ZNF703: variants seen among roughly 807,000 people sequenced by gnomAD.
ZNF703 encodes the protein NocA-like zinc finger 1.
A neutral mutation model predicts 30.7 loss-of-function variants in ZNF703; 18 were observed. The ratio of observed to expected loss-of-function variants is 0.59; its 90% CI spans 0.40 to 0.87. ZNF703 has a LOEUF of 0.87. ZNF703 is among the 40% of genes least tolerant of loss of function. ZNF703 has a pLI of 0.00. For synonymous variants in ZNF703, 457 were observed against 438.6 expected (o/e 1.04, Z -0.52); for missense variants, 814 against 847.8 (o/e 0.96, Z 0.50).
chr8:37,695,922 T>C lies in ZNF703; in HGVS notation c.-58T>C. The C allele has an allele frequency of 2.5e-6, 3 of 1,201,634 alleles. No individual in the cohort carries two copies. The highest frequency in any genetic ancestry group is 2.2e-6 in the Non-Finnish European group (2 of 906,180). 74.4% of individuals were successfully genotyped at this position (1,201,634 alleles called of 1,614,324 possible). A position where few individuals can be genotyped will look rare whatever the true frequency, so the allele number is the denominator to read the frequency against. On this transcript the variant is annotated 5_prime_UTR_variant, in exon 1 of 2. Coordinates refer to ENST00000331569, the MANE Select transcript of ZNF703 (RefSeq NM_025069.3). ...GAGCGAGCCCACCCGCCCCGGGAGC[T>C]CGCCTCCCCGGTGCTCCCCCGCCCT...
chr8:37,697,082 C>T, intron 1 of ZNF703, 63 bp from the exon 2 acceptor site: 1 of 1,426,994 alleles, frequency 7.0e-7, no homozygotes, highest in South Asian at 1.6e-5. Context: ...CGGGCGCCCC[C>T]GCTCGCCCCG....
chr8:37,697,504 C>T lies in ZNF703; in HGVS notation c.603C>T (p.Pro201=). Residue 201 remains proline (P), a synonymous_variant, in exon 2 of 2, where the codon CCC becomes CCT. Transcript: ENST00000331569. Reference sequence around the variant, plus strand: ...GGGTCCCCAGCGCCGCCTGCCCGCCCTTTCCCCCGCATGGAGCGCCGGTCT... The same window carrying T: ...GGGTCCCCAGCGCCGCCTGCCCGCCTTTTCCCCCGCATGGAGCGCCGGTCT... ...GFRVPSAACP[P]FPPHGAPVSA... is the part of the protein sequence containing the mutation. 2 of 1,527,716 alleles carry T rather than the reference C, an allele frequency of 1.3e-6. No individual in the cohort carries two copies. Among genetic ancestry groups the T allele is most frequent in the Non-Finnish European group, 1.7e-6 (2 of 1,142,862 alleles). 94.6% of individuals were successfully genotyped at this position (1,527,716 alleles called of 1,614,324 possible). A position where few individuals can be genotyped will look rare whatever the true frequency, so the allele number is the denominator to read the frequency against.
rs76445150 is a variant in ZNF703 at position 37,697,150 on chromosome 8, C to T, written c.249C>T (p.Asp83=). 7.7e-4 allele frequency: 1,200 copies of T among 1,564,506 alleles called. 5 individuals carry two copies. In the African/African-American group the frequency reaches 0.015, roughly 20 times the overall value. The change falls in exon 2 of 2, where the codon GAC becomes GAT. Residue 83 remains aspartate (D), a synonymous_variant. Coordinates refer to ENST00000331569, the MANE Select transcript of ZNF703 (RefSeq NM_025069.3). ...CCTGCTTCTGTCTCCCACAGCTGGA[C>T]GCCAAGAAGAGCCCCTTGGCGCTGC... ...SSTPVSPIEL[D]AKKSPLALLA...
chr8:37,698,187 C>G lies in ZNF703; in HGVS notation c.1286C>G (p.Ser429Trp). The change falls in exon 2 of 2, where the codon TCG becomes TGG. Residue 429 changes from serine (S) to tryptophan (W), a missense_variant. Physicochemically the swap from Ser to Trp is radical, Grantham distance 177. Coordinates refer to ENST00000331569, the MANE Select transcript of ZNF703 (RefSeq NM_025069.3). The stretch of plus-strand genomic sequence containing the variant: ...CACCCGCTGCAGCCCGCCGCGCTCT[C>G]GTCCAGCGCCGCCCAGGCCGCGCTC... ...PGHPLQPAAL[S>W]SSAAQAALPG... 1 of 1,529,054 alleles carries G rather than the reference C, an allele frequency of 6.5e-7. No homozygotes were observed. Among genetic ancestry groups the G allele is most frequent in the Non-Finnish European group, 8.7e-7 (1 of 1,144,360 alleles). The allele number at this position is 1,529,054 out of a possible 1,614,324, so 94.7% of individuals were successfully genotyped here.
In ZNF703 at chr8:37,696,059, C is replaced by A; in HGVS notation, c.80C>A (p.Pro27Gln). ...GSGSGGGGKRPAVPAAVSLLP... is the reference protein window; with the variant it reads ...GSGSGGGGKRQAVPAAVSLLP... ...GGCAGCGGCGGCGGCGGGAAGAGGC[C>A]GGCGGTGCCGGCAGCGGTGTCCCTC... The change falls in exon 1 of 2, where the codon CCG (proline) becomes CAG (glutamine). Residue 27 changes from proline to glutamine, a missense_variant. By Grantham distance (76) the Pro-to-Gln change is moderately conservative (BLOSUM62 -1). Transcript: ENST00000331569. The surrounding 1 kb of genome is among the most constrained non-coding windows in gnomAD (Gnocchi z 8.2). 6.4e-7 allele frequency: 1 copy of A among 1,554,750 alleles called. No individual in the cohort carries two copies. Among genetic ancestry groups the A allele is most frequent in the Non-Finnish European group, 8.7e-7 (1 of 1,149,464 alleles).
Position 37,698,147 on chromosome 8 carries a change from C to T in ZNF703, c.1246C>T (p.Leu416=). Residue 416 remains leucine (L), a synonymous_variant, in exon 2 of 2, where the codon CTG becomes TTG. Transcript: ENST00000331569. ...CAGCCTGAAGGCGGGGGGCTACCCG[C>T]TGGTGTACCCCGGGCACCCGCTGCA... ...GPSLKAGGYP[L]VYPGHPLQPA... is the part of the protein sequence containing the mutation. The T allele has an allele frequency of 6.5e-7, 1 of 1,528,874 alleles. No homozygotes were observed. The highest frequency in any genetic ancestry group is 1.2e-5 in the South Asian group (1 of 83,320). 94.7% of individuals were successfully genotyped at this position (1,528,874 alleles called of 1,614,324 possible). A position where few individuals can be genotyped will look rare whatever the true frequency, so the allele number is the denominator to read the frequency against.
Position 37,695,901 on chromosome 8 carries a change from G to T in ZNF703, c.-79G>T. 3 of 1,302,642 alleles carry T rather than the reference G, an allele frequency of 2.3e-6. No homozygotes were observed. The highest frequency in any genetic ancestry group is 3.2e-5 in the South Asian group (2 of 62,404). The allele number at this position is 1,302,642 out of a possible 1,614,324, so 80.7% of individuals were successfully genotyped here. On this transcript the variant is annotated 5_prime_UTR_variant, in exon 1 of 2. Coordinates refer to ENST00000331569, the MANE Select transcript of ZNF703 (RefSeq NM_025069.3). ...TGCACCGCGATCGACGCTGCGGAGC[G>T]AGCCCACCCGCCCCGGGAGCTCGCC...
chr8:37,698,465 C>A lies in ZNF703; in HGVS notation c.1564C>A (p.Pro522Thr). ...CGCCTCCTGCCATCTGCACCTCCCC[C>A]CGCCCGCCGCCCCCGGCAGCCCCGG... Reference protein sequence around the residue: ...AAASCHLHLPPPAAPGSPGSL... With the variant: ...AAASCHLHLPTPAAPGSPGSL... The change falls in exon 2 of 2, where the codon CCG (proline) becomes ACG (threonine). Residue 522 changes from proline (P) to threonine (T), a missense_variant. Physicochemically the swap from Pro to Thr is conservative, Grantham distance 38. Transcript: ENST00000331569. The A allele has an allele frequency of 2.7e-6, 4 of 1,500,592 alleles. No homozygotes were observed. The highest frequency in any genetic ancestry group is 2.9e-5 in the East Asian group (1 of 34,928). 93.0% of individuals were successfully genotyped at this position (1,500,592 alleles called of 1,614,324 possible). A position where few individuals can be genotyped will look rare whatever the true frequency, so the allele number is the denominator to read the frequency against.
rs1254318140 is a variant in ZNF703 at position 37,698,101 on chromosome 8, C to T, written c.1200C>T (p.Ser400=). 5.4e-5 allele frequency: 83 copies of T among 1,535,536 alleles called. No homozygotes were observed. Among genetic ancestry groups the T allele is most frequent in the East Asian group, 1.2e-4 (5 of 40,898 alleles). The part of the protein sequence containing the change: ...HLGGSSCSTC[S]AHDPAGPSLK... The stretch of plus-strand genomic sequence containing the variant: ...GCGGCTCCAGCTGCTCCACCTGCAG[C>T]GCGCACGACCCTGCCGGGCCCAGCC... The change falls in exon 2 of 2, where the codon AGC becomes AGT. Residue 400 remains serine, a synonymous_variant. Transcript: ENST00000331569.
rs570696473 is a variant in ZNF703, at chr8:37,696,527, G to A, written c.243+305G>A. Among the ~76,000 whole-genome samples the A allele has an allele frequency of 4.6e-5, 7 of 152,230 alleles. No homozygotes were observed. The East Asian group carries it at 1.2e-3, about 25-fold the overall frequency. On this transcript the variant is annotated intron_variant, in intron 1 of 1. Coordinates refer to ENST00000331569, the MANE Select transcript of ZNF703 (RefSeq NM_025069.3). The surrounding 1 kb of genome is among the most constrained non-coding windows in gnomAD (Gnocchi z 8.2). ...TCCTCTGATCCCCAGTTTCCAGCCA[G>A]GAGTTGGTCTCTGCTGGGTCTTCCC...
rs1490446046 is a variant in ZNF703, at chr8:37,697,552, G to T, written c.651G>T (p.Ser217=). 3 of 1,463,416 alleles carry T rather than the reference G, an allele frequency of 2.0e-6. No homozygotes were observed. Among genetic ancestry groups the T allele is most frequent in the Admixed American group, 2.6e-5 (1 of 39,128 alleles). The allele number at this position is 1,463,416 out of a possible 1,614,324, so 90.7% of individuals were successfully genotyped here. Residue 217 remains serine (S), a synonymous_variant, in exon 2 of 2, where the codon TCG becomes TCT. Coordinates refer to ENST00000331569, the MANE Select transcript of ZNF703 (RefSeq NM_025069.3). The stretch of plus-strand genomic sequence containing the variant: ...TCTCCGCATCCTCGTCCTCGTCGTC[G>T]CCCGGCGGCTCCCGCGGCGGCTCCC... ...APVSASSSSS[S]PGGSRGGSPH...
Position 37,697,667 on chromosome 8 carries a change from G to A in ZNF703, c.766G>A (p.Ala256Thr). ...GGAGCCCAAGCCCAGCCCGGAGCCGGCAGCCGTGAGCCGCGGCGGCGGTGG... is the reference window on the plus strand; with the variant it reads ...GGAGCCCAAGCCCAGCCCGGAGCCGACAGCCGTGAGCCGCGGCGGCGGTGG... ...DQEPKPSPEP[A>T]AVSRGGGGEP... The change falls in exon 2 of 2, where the codon GCA (alanine) becomes ACA (threonine). Residue 256 changes from alanine (A) to threonine (T), a missense_variant. By Grantham distance (58) the Ala-to-Thr change is moderately conservative. Transcript: ENST00000331569. 2 of 1,330,292 alleles carry A rather than the reference G, an allele frequency of 1.5e-6. No homozygotes were observed. The highest frequency in any genetic ancestry group is 1.9e-6 in the Non-Finnish European group (2 of 1,047,468). The allele number at this position is 1,330,292 out of a possible 1,614,324, so 82.4% of individuals were successfully genotyped here.
Position 37,697,333 on chromosome 8 carries a change from G to A in ZNF703, c.432G>A (p.Gly144=). 6.4e-7 allele frequency: 1 copy of A among 1,558,890 alleles called. No homozygotes were observed. Among genetic ancestry groups the A allele is most frequent in the Non-Finnish European group, 8.7e-7 (1 of 1,153,674 alleles). Residue 144 remains glycine (G), a synonymous_variant, in exon 2 of 2, where the codon GGG becomes GGA. Transcript: ENST00000331569. The stretch of plus-strand genomic sequence containing the variant: ...CAGCCGCGGCCCTGAAGCAGCTGGG[G>A]GACTCACCGGCCGAGGACAAGTCCA... ...ASAAAALKQL[G]DSPAEDKSSF... is the part of the protein sequence containing the mutation.
chr8:37,698,952 G>A lies in ZNF703; in HGVS notation c.*278G>A. 1 of 363,302 alleles carries A rather than the reference G, an allele frequency of 2.8e-6. No individual in the cohort carries two copies. The highest frequency in any genetic ancestry group is 4.9e-6 in the Non-Finnish European group (1 of 204,038). 22.5% of individuals were successfully genotyped at this position (363,302 alleles called of 1,614,324 possible). On this transcript the variant is annotated 3_prime_UTR_variant, in exon 2 of 2. Transcript: ENST00000331569. ...TCCCACAAATAACGACATGATCCCCGCCCCTGTTCCTTTCTGTTATTTTTT... is the reference window on the plus strand; with the variant it reads ...TCCCACAAATAACGACATGATCCCCACCCCTGTTCCTTTCTGTTATTTTTT...
Position 37,696,768 on chromosome 8 carries a change from C to T in ZNF703, c.244-377C>T, listed in dbSNP as rs1364664495. Among the ~76,000 whole-genome samples the T allele has an allele frequency of 1.3e-5, 2 of 152,208 alleles. No homozygotes were observed. Among genetic ancestry groups the T allele is most frequent in the Non-Finnish European group, 2.9e-5 (2 of 68,038 alleles). On this transcript the variant is annotated intron_variant, in intron 1 of 1. Coordinates refer to ENST00000331569, the MANE Select transcript of ZNF703 (RefSeq NM_025069.3). This position sits in a 1 kb window ranked among gnomAD's most constrained non-coding sequence, Gnocchi z 8.2. ...AGAATCCGCGCTCCCCTCTCCTACC[C>T]CGCGGCGCCATCGCCAGAAACCCGT...
chr8:37,698,594 C>T lies in ZNF703; in HGVS notation c.1693C>T (p.Pro565Ser), dbSNP rs759187194. 1.3e-6 allele frequency: 2 copies of T among 1,561,032 alleles called. No individual in the cohort carries two copies. Among genetic ancestry groups the T allele is most frequent in the South Asian group, 1.2e-5 (1 of 85,060 alleles). ...GGGGGGCCTGGCCGTGCCGTCCCTC[C>T]CCACAGCCGGACCCTACTATTCGCC... ...TAGGLAVPSLPTAGPYYSPYA... is the reference protein window; with the variant it reads ...TAGGLAVPSLSTAGPYYSPYA... The change falls in exon 2 of 2, where the codon CCC becomes TCC. Residue 565 changes from proline to serine, a missense_variant. Coordinates refer to ENST00000331569, the MANE Select transcript of ZNF703 (RefSeq NM_025069.3).
In ZNF703 at chr8:37,698,488, C is replaced by T. The variant is rs1802115742; in HGVS notation, c.1587C>T (p.Pro529=). ...CCCCGCCCGCCGCCCCCGGCAGCCC[C>T]GGGTCGCTGTCCTTGCGGAATCCAC... ...HLPPPAAPGS[P]GSLSLRNPHT... The change falls in exon 2 of 2, where the codon CCC becomes CCT. Residue 529 remains proline (P), a synonymous_variant. Transcript: ENST00000331569. The T allele has an allele frequency of 6.5e-7, 1 of 1,543,880 alleles. No homozygotes were observed. Among genetic ancestry groups the T allele is most frequent in the Non-Finnish European group, 8.7e-7 (1 of 1,149,742 alleles).
chr8:37,695,947 T>TCCCCG lies in ZNF703; in HGVS notation c.-28_-24dup, dbSNP rs1802059578. 1.5e-6 allele frequency: 1 copy of TCCCCG among 653,898 alleles called. No individual in the cohort carries two copies. Among genetic ancestry groups the TCCCCG allele is most frequent in the East Asian group, 5.4e-5 (1 of 18,396 alleles). 40.5% of individuals were successfully genotyped at this position (653,898 alleles called of 1,614,324 possible). ...TCGCCTCCCCGGTGCTCCCCCGCCC[T>TCCCCG]CCCCGCCCCCCCAGCGGCGCTGCCT... On this transcript the variant is annotated 5_prime_UTR_variant, in exon 1 of 2. Coordinates refer to ENST00000331569, the MANE Select transcript of ZNF703 (RefSeq NM_025069.3).
chr8:37,695,841 G>A lies in ZNF703; in HGVS notation c.-139G>A, dbSNP rs987860836. 4 of 746,324 alleles carry A rather than the reference G, an allele frequency of 5.4e-6. No homozygotes were observed. The highest frequency in any genetic ancestry group is 8.6e-5 in the Admixed American group (2 of 23,160). 46.2% of individuals were successfully genotyped at this position (746,324 alleles called of 1,614,324 possible). ...GGCGGCGGCGGCGGAGGCGTCGGTG[G>A]AGGAGGGGAGGCGGCGAGGAGGCGC... On this transcript the variant is annotated 5_prime_UTR_variant, in exon 1 of 2. Coordinates refer to ENST00000331569, the MANE Select transcript of ZNF703 (RefSeq NM_025069.3).
Sources: allele counts gnomAD v4.1 joint callset (sites outside exome capture counted in the v4.1 genomes callset), GRCh38; gene constraint gnomAD v4.1.1; non-coding constraint Gnocchi (gnomAD v3.1); transcripts MANE v1.5; gene names NCBI Gene and HGNC (gene_info 2026-07-23, HGNC 2026-07-21).